KLHL1: variants seen among roughly 807,000 people sequenced by gnomAD.
The protein encoded by KLHL1 is kelch-like protein 1.
In KLHL1, 47 loss-of-function variants were observed where a neutral mutation model predicts 77.7. The observed-to-expected ratio is 0.60, with a 90% CI of 0.48 to 0.77. KLHL1 has a LOEUF of 0.77. Among genes scored for constraint, KLHL1 ranks in the 30% least tolerant of loss-of-function variants. KLHL1 has a pLI of 0.00. For missense variants in KLHL1, 925 were observed against 910.8 expected, an observed-to-expected ratio of 1.02 and a Z score of -0.20; for synonymous variants, 360 against 325.2, an observed-to-expected ratio of 1.11 and a Z score of -1.15.
intron 1 of KLHL1, among the ~76,000 whole-genome samples, chr13:70,054,949 C>A (rs1042554633): frequency 6.6e-6 from 1 of 151,802 alleles, no homozygotes; most frequent in African/African-American, 2.4e-5. Context: ...CTCAAAAGGG[C>A]AAATCTAAGT....
intron 1 of KLHL1, among the ~76,000 whole-genome samples, chr13:70,028,892 G>A (rs1886021078): frequency 6.6e-6 from 1 of 151,560 alleles, no homozygotes; most frequent in Non-Finnish European, 1.5e-5. Flanking sequence ...TGGGAGGATC[G>A]CTTGAACCTG....
chr13:70,026,917 A>T (rs987815719), intron 1 of KLHL1, among the ~76,000 whole-genome samples: 1 of 152,090 alleles, frequency 6.6e-6, no homozygotes, highest in African/African-American at 2.4e-5. Context: ...CTATTTTTCT[A>T]TGTTTTATCA....
At chr13:69,952,328 A>G (rs569438009) in intron 3 of KLHL1, among the ~76,000 whole-genome samples, 1 of 151,528 alleles carries the variant, frequency 6.6e-6, no homozygotes, top group South Asian at 2.1e-4. Context: ...GAATAAACTT[A>G]TATTTTAGAC....
chr13:69,705,876 GGAT>G (rs1875602156), intron 10 of KLHL1, among the ~76,000 whole-genome samples: 2 of 151,646 alleles, frequency 1.3e-5, no homozygotes, highest in African/African-American at 4.8e-5. Flanking sequence ...CAATTTTAGA[GGAT>G]GATAAGCATA....
chr13:70,014,072 C>A (rs2137342322), intron 1 of KLHL1, among the ~76,000 whole-genome samples: 1 of 151,940 alleles, frequency 6.6e-6, no homozygotes, highest in Admixed American at 6.5e-5. Context: ...GCATAAACTC[C>A]ACAAAATTGA....
At chr13:69,947,836 C>A (rs931395292) in intron 3 of KLHL1, among the ~76,000 whole-genome samples, 2 of 152,034 alleles carry the variant, frequency 1.3e-5, no homozygotes, top group African/African-American at 2.4e-5. Context: ...AGGCAAAAAG[C>A]AGCCAAGTAT....
At chr13:70,096,191 C>T (rs1054058314) in intron 1 of KLHL1, among the ~76,000 whole-genome samples, 5 of 151,950 alleles carry the variant, frequency 3.3e-5, no homozygotes, top group Non-Finnish European at 7.4e-5. Context: ...TGCTTTCCTT[C>T]CTTTTGGATA....
At chr13:70,099,531 C>G (rs1490454810) in intron 1 of KLHL1, among the ~76,000 whole-genome samples, 1 of 151,880 alleles carries the variant, frequency 6.6e-6, no homozygotes, top group Non-Finnish European at 1.5e-5. Flanking sequence ...TGGATGACTC[C>G]TTGGGCCATA....
At chr13:69,757,792 C>T (rs1249783817) in intron 7 of KLHL1, among the ~76,000 whole-genome samples, 1 of 91,214 alleles carries the variant, frequency 1.1e-5, no homozygotes, top group Admixed American at 9.8e-5. Flanking sequence ...CTCGTCCCTA[C>T]TAAAAATGCA....
At chr13:69,857,584 A>G (rs1879969942) in intron 5 of KLHL1, among the ~76,000 whole-genome samples, 1 of 152,074 alleles carries the variant, frequency 6.6e-6, no homozygotes, top group South Asian at 2.1e-4. Context: ...CCTATACTTG[A>G]TTTAAGTTTC....
chr13:70,098,915 T>C (rs917437646), intron 1 of KLHL1, among the ~76,000 whole-genome samples: 8 of 151,868 alleles, frequency 5.3e-5, no homozygotes, highest in African/African-American at 1.9e-4. Context: ...TTAGGACACC[T>C]ATAGATGGTA....
In KLHL1 at chr13:69,887,148, C is replaced by A. The variant is rs528695696; in HGVS notation, c.1015-4653G>T. Among the ~76,000 whole-genome samples, 26 of 152,218 alleles carry A rather than the reference C, an allele frequency of 1.7e-4. 1 individual carries two copies. Among genetic ancestry groups the A allele is most frequent in the Non-Finnish European group, 1.6e-4 (11 of 67,998 alleles). ...TTTCTAATTCCTTAAGCGTCCTTTG[C>A]AAGCAAAGTTTTGAGAGTTTCATGA... On this transcript the variant is annotated intron_variant, in intron 4 of 10. Coordinates refer to ENST00000377844, the MANE Select transcript of KLHL1 (RefSeq NM_020866.3).
At chr13:69,967,147 T>C (rs550280781) in intron 2 of KLHL1, among the ~76,000 whole-genome samples, 1 of 152,316 alleles carries the variant, frequency 6.6e-6, no homozygotes, top group Admixed American at 6.5e-5. Flanking sequence ...CTGGACTGAA[T>C]GGTAGTTTTA....
chr13:69,765,532 C>T (rs112438176), intron 7 of KLHL1, among the ~76,000 whole-genome samples: 1,526 of 152,216 alleles, frequency 0.01, 10 homozygotes, highest in Non-Finnish European at 0.017. Context: ...AAACTCTTAT[C>T]TTTAATTCCT....
At chr13:69,757,255 A>G in intron 7 of KLHL1, among the ~76,000 whole-genome samples, 1 of 152,172 alleles carries the variant, frequency 6.6e-6, no homozygotes, top group East Asian at 1.9e-4. Flanking sequence ...AAGAATATGA[A>G]CAAGACCACA....
chr13:70,020,186 A>C (rs187402877), intron 1 of KLHL1, among the ~76,000 whole-genome samples: 4 of 152,120 alleles, frequency 2.6e-5, no homozygotes, highest in African/African-American at 9.7e-5. Flanking sequence ...GGACAAAAAG[A>C]TCTATTTAAG....
chr13:70,076,803 C>T (rs539007902), intron 1 of KLHL1, among the ~76,000 whole-genome samples: 1 of 151,882 alleles, frequency 6.6e-6, no homozygotes, highest in South Asian at 2.1e-4. Context: ...GAAAAAGAAA[C>T]AACTCAGTTA....
At chr13:69,962,680 G>A (rs140035375) in intron 2 of KLHL1, among the ~76,000 whole-genome samples, 1 of 151,624 alleles carries the variant, frequency 6.6e-6, no homozygotes, top group African/African-American at 2.4e-5. Flanking sequence ...TGATATTTTA[G>A]AATGAAAAAA....
chr13:70,095,731 T>C (rs1887773536), intron 1 of KLHL1, among the ~76,000 whole-genome samples: 2 of 152,158 alleles, frequency 1.3e-5, no homozygotes, highest in African/African-American at 4.8e-5. Flanking sequence ...CAATAAATTA[T>C]TGTTAACTAT....
Sources: gnomAD v4.1 joint callset for allele counts (sites outside exome capture counted in the v4.1 genomes callset) on GRCh38, gnomAD v4.1.1 for gene constraint, MANE v1.5 for transcripts, NCBI Gene and HGNC (gene_info 2026-07-23, HGNC 2026-07-21) for gene names.